TUBA3C: variants seen among roughly 807,000 people sequenced by gnomAD.
The protein encoded by TUBA3C is tubulin alpha 3c, also known as tubulin alpha-3C chain.
TUBA3C carries 23 observed loss-of-function variants against 33.4 expected under a neutral mutation model. The ratio of observed to expected loss-of-function variants is 0.69; its 90% confidence interval spans 0.50 to 0.98. TUBA3C has a LOEUF of 0.98. Ranked by LOEUF, TUBA3C falls within the 50% of genes least tolerant of loss-of-function variation. The pLI, the probability that TUBA3C is intolerant of heterozygous loss-of-function variation, is 0.00. For synonymous variants in TUBA3C, 269 were observed against 250.4 expected, an observed-to-expected ratio of 1.07 and a Z score of -0.70; for missense variants, 402 against 616.0, an observed-to-expected ratio of 0.65 and a Z score of 3.68.
rs180790098 is a variant in TUBA3C at position 19,178,577 on chromosome 13, T to C, written c.227-183A>G. Among the ~76,000 whole-genome samples, 226 of 152,310 alleles carry C rather than the reference T, an allele frequency of 1.5e-3. 2 individuals are homozygous for C. The highest frequency in any genetic ancestry group is 5.0e-3 in the African/African-American group (208 of 41,564). ...CTGTGTGATAACCAAAGTGCAAATG[T>C]GTGATAACCAAACTGTGATTTATGA... On this transcript the variant is annotated intron_variant, in intron 2 of 4. Transcript: ENST00000400113.
chr13:19,180,718 A>C (rs1175046255), intron 1 of TUBA3C, among the ~76,000 whole-genome samples: 1 of 151,954 alleles, frequency 6.6e-6, no homozygotes, highest in Non-Finnish European at 1.5e-5. Flanking sequence ...GATGGTCTCG[A>C]TCTCCTGACC....
intron 1 of TUBA3C, among the ~76,000 whole-genome samples, chr13:19,181,396 T>C (rs1869411761): frequency 6.6e-6 from 1 of 152,112 alleles, no homozygotes; most frequent in Non-Finnish European, 1.5e-5. Context: ...TGGTTTCCAA[T>C]AGGACAGAGA....
rs751190931 is a variant in TUBA3C at position 19,179,345 on chromosome 13, C to T, written c.222G>A (p.Val74=). ...RAVFVDLEPT[V]VDEVRTGTYR... Reference sequence around the variant, plus strand: ...ATCCAGGACCCGAGCACCTACCGACCACAGTGGGCTCCAGGTCCACAAACA... The same window carrying T: ...ATCCAGGACCCGAGCACCTACCGACTACAGTGGGCTCCAGGTCCACAAACA... Residue 74 remains valine (V), a synonymous_variant, in exon 2 of 5, where the codon GTG becomes GTA. Coordinates refer to ENST00000400113, the MANE Select transcript of TUBA3C (RefSeq NM_006001.3). 3.1e-6 allele frequency: 5 copies of T among 1,614,000 alleles called. No individual in the cohort carries two copies. The highest frequency in any genetic ancestry group is 4.2e-6 in the Non-Finnish European group (5 of 1,179,872).
chr13:19,181,691 C>T, intron 1 of TUBA3C, 54 bp downstream of exon 1: 1 of 1,600,582 alleles, frequency 6.2e-7, no homozygotes, highest in Middle Eastern at 1.7e-4. Context: ...AGGAGGCCAA[C>T]TTCGTCCACC....
chr13:19,176,754 A>AAAAAAAAAAAAAAAAC (rs1869195717), intron 4 of TUBA3C, among the ~76,000 whole-genome samples, 173 bp downstream of exon 4: 1 of 147,040 alleles, frequency 6.8e-6, no homozygotes, highest in Admixed American at 6.8e-5. Context: ...AAAAAAAAAA[A>AAAAAAAAAAAAAAAAC]AAAAAGACAT....
At chr13:19,175,018 G>T (rs779277766) in intron 4 of TUBA3C, among the ~76,000 whole-genome samples, 11 of 152,168 alleles carry the variant, frequency 7.2e-5, no homozygotes, top group Non-Finnish European at 1.6e-4. Context: ...GCAGGCCGAG[G>T]TGGACAGATC....
In TUBA3C at chr13:19,177,881, C is replaced by T. The variant is rs9507569; in HGVS notation, c.376-274G>A. 7.1e-6 allele frequency among the ~76,000 whole-genome samples: 1 copy of T among 140,756 alleles called. No homozygotes were observed. Among genetic ancestry groups the T allele is most frequent in the Non-Finnish European group, 1.5e-5 (1 of 66,114 alleles). 92.3% of individuals were successfully genotyped at this position (140,756 alleles called of 152,430 possible). A position where few individuals can be genotyped will look rare whatever the true frequency, so the allele number is the denominator to read the frequency against. On this transcript the variant is annotated intron_variant, in intron 3 of 4. Transcript: ENST00000400113. This position sits in a 1 kb window ranked among gnomAD's most constrained non-coding sequence, Gnocchi z 5.0. ...TTTTTTTTTTAGATAGAATCTCACT[C>T]TGTTGCCCAGGCCGGAGGGCAGTGG...
Position 19,177,884 on chromosome 13 carries a change from T to C in TUBA3C, c.376-277A>G, listed in dbSNP as rs1869258976. 6.6e-6 allele frequency among the ~76,000 whole-genome samples: 1 copy of C among 150,476 alleles called. No individual in the cohort carries two copies. Among genetic ancestry groups the C allele is most frequent in the African/African-American group, 2.4e-5 (1 of 41,060 alleles). On this transcript the variant is annotated intron_variant, in intron 3 of 4. Transcript: ENST00000400113. This position sits in a 1 kb window ranked among gnomAD's most constrained non-coding sequence, Gnocchi z 5.0. ...TTTTTTTAGATAGAATCTCACTCTG[T>C]TGCCCAGGCCGGAGGGCAGTGGCAT...
intron 1 of TUBA3C, among the ~76,000 whole-genome samples, chr13:19,180,775 G>T (rs376166609): frequency 1.1e-4 from 17 of 151,768 alleles, no homozygotes; most frequent in Non-Finnish European, 2.2e-4. Flanking sequence ...GATTACAGGC[G>T]TGAGCCACAG....
chr13:19,177,558 C>A lies in TUBA3C; in HGVS notation c.425G>T (p.Gly142Val). The A allele has an allele frequency of 6.2e-7, 1 of 1,611,320 alleles. No homozygotes were observed. The highest frequency in any genetic ancestry group is 1.3e-5 in the African/African-American group (1 of 74,932). ...TGCGAACCCAGAGCCAGTGCCACCC[C>A]CAAAACTGTGGAAGATGAGGAAGCC... is the stretch of plus-strand genomic sequence containing the variant. ...LQGFLIFHSF[G>V]GGTGSGFASL... Residue 142 changes from glycine (G) to valine (V), a missense_variant, in exon 4 of 5, where the codon GGG (glycine) becomes GTG (valine). Gly to Val is a moderately radical substitution (Grantham distance 109). Transcript: ENST00000400113. This position sits in a 1 kb window ranked among gnomAD's most constrained non-coding sequence, Gnocchi z 5.0.
intron 1 of TUBA3C, among the ~76,000 whole-genome samples, chr13:19,180,746 T>C (rs551131765): frequency 8.1e-4 from 123 of 151,708 alleles, no homozygotes; most frequent in Admixed American, 1.2e-3. Flanking sequence ...ATGCCCGCCT[T>C]GGCCTCCCAA....
At chr13:19,180,689 G>A (rs528976294) in intron 1 of TUBA3C, among the ~76,000 whole-genome samples, 11 of 151,840 alleles carry the variant, frequency 7.2e-5, no homozygotes, top group Admixed American at 1.3e-4. Flanking sequence ...TAGAGATGGG[G>A]TTTCACCGTG....
intron 4 of TUBA3C, among the ~76,000 whole-genome samples, 171 bp downstream of exon 4, chr13:19,176,756 A>AAAAAAAAAAAAAAAAAC: frequency 6.9e-6 from 1 of 144,648 alleles, no homozygotes; most frequent in Non-Finnish European, 1.5e-5. Context: ...AAAAAAAAAA[A>AAAAAAAAAAAAAAAAAC]AAAGACATCA....
intron 1 of TUBA3C, 145 bp from the exon 2 acceptor site, chr13:19,179,708 A>AC: frequency 1.6e-6 from 2 of 1,221,642 alleles, no homozygotes; most frequent in Non-Finnish European, 2.2e-6. Context: ...GGGTTAGGTG[A>AC]CTGACCCCTT....
At chr13:19,179,673 C>G in intron 1 of TUBA3C, 110 bp from the exon 2 acceptor site, 1 of 1,374,438 alleles carries the variant, frequency 7.3e-7, no homozygotes, top group East Asian at 2.5e-5. Flanking sequence ...GTATCTGGTG[C>G]TTTCACAATT....
intron 1 of TUBA3C, among the ~76,000 whole-genome samples, chr13:19,179,896 A>G (rs1223167068): frequency 1.3e-5 from 2 of 152,228 alleles, no homozygotes; most frequent in African/African-American, 2.4e-5. Context: ...TGAAGAATAC[A>G]TAGCAGTTTT....
rs36214766 is a variant in TUBA3C at position 19,180,332 on chromosome 13, A to G, written c.4-769T>C. ...TCCCCTCTACCCCTTGAAGCCTAGG[A>G]GTGTAATGGCTCCCAGATGTCATCA... is the stretch of plus-strand genomic sequence containing the variant. On this transcript the variant is annotated intron_variant, in intron 1 of 4. Coordinates refer to ENST00000400113, the MANE Select transcript of TUBA3C (RefSeq NM_006001.3). Among the ~76,000 whole-genome samples the G allele has an allele frequency of 7.9e-5, 12 of 152,034 alleles. No individual in the cohort carries two copies. The East Asian group carries it at 2.1e-3, about 27-fold the overall frequency.
Position 19,181,715 on chromosome 13 carries a change from G to T in TUBA3C, c.3+30C>A, listed in dbSNP as rs767688353. 4 of 1,601,622 alleles carry T rather than the reference G, an allele frequency of 2.5e-6. No individual in the cohort carries two copies. In the South Asian group the frequency reaches 4.4e-5, roughly 18 times the overall value. ...ACTTCGTCCACCCTCCAGCCTGGGC[G>T]TCTGCGGGGTGGGAGTGACCTGGCC... On this transcript the variant is annotated intron_variant, in intron 1 of 4. Transcript: ENST00000400113.
intron 4 of TUBA3C, among the ~76,000 whole-genome samples, chr13:19,174,627 C>A (rs1294987501): frequency 6.6e-6 from 1 of 151,972 alleles, no homozygotes; most frequent in Non-Finnish European, 1.5e-5. Flanking sequence ...TCATTCGTTC[C>A]ACTGTCTCAT....
Sources: allele counts gnomAD v4.1 joint callset (sites outside exome capture counted in the v4.1 genomes callset), GRCh38; gene constraint gnomAD v4.1.1; non-coding constraint Gnocchi (gnomAD v3.1); transcripts MANE v1.5; gene names NCBI Gene and HGNC (gene_info 2026-07-23, HGNC 2026-07-21).